The following RBP2 variants were observed in gnomAD, a reference collection of about 807,000 sequenced individuals.
The protein encoded by RBP2 is retinol binding protein 2.
In RBP2, 17 loss-of-function variants were observed where a neutral mutation model predicts 17.0. The ratio of observed to expected loss-of-function variants is 1.00; its 90% confidence interval spans 0.68 to 1.50. The LOEUF is 1.50. Among genes scored for constraint, RBP2 ranks in the 40% most tolerant of loss-of-function variants. The pLI is 0.00. For synonymous variants in RBP2, 48 were observed against 57.1 expected, an observed-to-expected ratio of 0.84 and a Z score of 0.72; for missense variants, 158 against 168.2, an observed-to-expected ratio of 0.94 and a Z score of 0.33.
intron 1 of RBP2, among the ~76,000 whole-genome samples, chr3:139,476,030 G>A (rs921240106): frequency 5.3e-5 from 8 of 152,122 alleles, no homozygotes; most frequent in Non-Finnish European, 1.2e-4. Flanking sequence ...AGGTCCAAGT[G>A]GTTATCAGAG....
At chr3:139,470,489 T>G (rs1933526726) in intron 1 of RBP2, among the ~76,000 whole-genome samples, 1 of 151,900 alleles carries the variant, frequency 6.6e-6, no homozygotes, top group South Asian at 2.1e-4. Context: ...TATGATTCAT[T>G]TTCCATGCTG....
At chr3:139,472,780 G>A (rs1448316906) in intron 1 of RBP2, among the ~76,000 whole-genome samples, 3 of 152,172 alleles carry the variant, frequency 2.0e-5, no homozygotes, top group African/African-American at 4.8e-5. Flanking sequence ...AAACCACTAC[G>A]TTTTGGGGGT....
At chr3:139,475,786 G>C (rs990991097) in intron 1 of RBP2, among the ~76,000 whole-genome samples, 6 of 152,296 alleles carry the variant, frequency 3.9e-5, no homozygotes, top group Admixed American at 6.5e-5. Context: ...CAGTTCCACA[G>C]GGAACCCACT....
intron 1 of RBP2, among the ~76,000 whole-genome samples, chr3:139,462,558 A>AACACACAC (rs59601422): frequency 0.096 from 11,647 of 121,248 alleles, 779 homozygotes; most frequent in African/African-American, 0.15. Context: ...GCAGCTCCCC[A>AACACACAC]ACACACACAC....
chr3:139,461,592 G>T (rs1401174239), intron 2 of RBP2, among the ~76,000 whole-genome samples: 2 of 151,782 alleles, frequency 1.3e-5, no homozygotes, highest in Admixed American at 6.6e-5. Flanking sequence ...GAAATCAGCT[G>T]GGATCATCTA....
rs115267221 is a variant in RBP2 at position 139,456,278 on chromosome 3, G to C, written c.253-1448C>G. ...CTGTGGTTTTTTCCCCAGTGTCCTT[G>C]TACATTTGGGCCTGTTTTTTTTGGT... On this transcript the variant is annotated intron_variant, in intron 2 of 3. Transcript: ENST00000232217. 3.3e-3 allele frequency among the ~76,000 whole-genome samples: 496 copies of C among 152,194 alleles called. 3 individuals are homozygous for C. Among genetic ancestry groups the C allele is most frequent in the African/African-American group, 0.012 (481 of 41,504 alleles).
intron 3 of RBP2, among the ~76,000 whole-genome samples, chr3:139,453,659 G>A (rs1367858157): frequency 6.6e-6 from 1 of 152,222 alleles, no homozygotes; most frequent in Non-Finnish European, 1.5e-5. Context: ...AGGCTTGCCT[G>A]TGCAGCCGAC....
At chr3:139,455,334 G>A (rs2107864994) in intron 2 of RBP2, among the ~76,000 whole-genome samples, 1 of 152,280 alleles carries the variant, frequency 6.6e-6, no homozygotes, top group East Asian at 1.9e-4. Flanking sequence ...GGGGGAGAGA[G>A]CCCTAGCAGA....
At chr3:139,454,871 T>A in intron 2 of RBP2, 41 bp from the exon 3 acceptor site, 1 of 1,579,200 alleles carries the variant, frequency 6.3e-7, no homozygotes, top group Non-Finnish European at 8.7e-7. Context: ...CACATGGTCT[T>A]GAGGGACTGA....
chr3:139,452,923 A>T lies in RBP2; in HGVS notation c.*193T>A. 1.7e-6 allele frequency: 1 copy of T among 600,312 alleles called. No individual in the cohort carries two copies. Among genetic ancestry groups the T allele is most frequent in the Non-Finnish European group, 2.9e-6 (1 of 341,972 alleles). The allele number at this position is 600,312 out of a possible 1,614,324, so 37.2% of individuals were successfully genotyped here. On this transcript the variant is annotated 3_prime_UTR_variant, in exon 4 of 4. Transcript: ENST00000232217. ...ATATGGGAGTAATTTTTGTTTTTCC[A>T]TTTAATGCTAGGTTTCAAAGGAGGG... is the stretch of plus-strand genomic sequence containing the variant.
At chr3:139,470,448 C>G (rs1023565561) in intron 1 of RBP2, among the ~76,000 whole-genome samples, 7 of 152,034 alleles carry the variant, frequency 4.6e-5, no homozygotes, top group African/African-American at 7.2e-5. Context: ...TAATGGGTCT[C>G]TCATCCTCTC....
At chr3:139,460,578 G>T (rs60990816) in intron 2 of RBP2, among the ~76,000 whole-genome samples, 6,020 of 152,252 alleles carry the variant, frequency 0.04, 367 homozygotes, top group African/African-American at 0.13. Context: ...CAGAGCTTGT[G>T]CCCATTGCTT....
In RBP2 at chr3:139,462,272, C is replaced by T. The variant is rs371817821; in HGVS notation, c.92G>A (p.Arg31His). 98 of 1,614,014 alleles carry T rather than the reference C, an allele frequency of 6.1e-5. No individual in the cohort carries two copies. The highest frequency in any genetic ancestry group is 6.0e-4 in the South Asian group (55 of 91,076). Residue 31 changes from arginine to histidine, a missense_variant, in exon 2 of 4, where the codon CGC becomes CAC. By Grantham distance (29) the Arg-to-His change is conservative (BLOSUM62 0). Coordinates refer to ENST00000232217, the MANE Select transcript of RBP2 (RefSeq NM_004164.3). ...MKALDIDFAT[R>H]KIAVRLTQTK... ...CTGAGTGAGACGTACTGCAATCTTG[C>T]GGGTGGCAAAATCAATATCTGTTGG... is the stretch of plus-strand genomic sequence containing the variant.
At chr3:139,474,479 C>T (rs6787649) in intron 1 of RBP2, among the ~76,000 whole-genome samples, 81,211 of 152,084 alleles carry the variant, frequency 0.53, 24,542 homozygotes, top group East Asian at 0.92. Context: ...CTTTTTGTTA[C>T]TGAAGCATAA....
intron 2 of RBP2, among the ~76,000 whole-genome samples, chr3:139,457,858 G>T (rs1933031717): frequency 6.6e-6 from 1 of 152,190 alleles, no homozygotes; most frequent in South Asian, 2.1e-4. Context: ...CTCCCACCAT[G>T]CTTTCCACTA....
chr3:139,474,619 C>T (rs1415564041), intron 1 of RBP2, among the ~76,000 whole-genome samples: 1 of 152,080 alleles, frequency 6.6e-6, no homozygotes, highest in Non-Finnish European at 1.5e-5. Flanking sequence ...ACCACAAGTA[C>T]ATCTAATATC....
chr3:139,472,885 G>T (rs1208140134), intron 1 of RBP2, among the ~76,000 whole-genome samples: 1 of 152,226 alleles, frequency 6.6e-6, no homozygotes, highest in African/African-American at 2.4e-5. Context: ...TTCTGCTTCA[G>T]ATGGCACAGT....
intron 2 of RBP2, among the ~76,000 whole-genome samples, chr3:139,458,789 T>C (rs1016443856): frequency 6.6e-6 from 1 of 152,228 alleles, no homozygotes; most frequent in Non-Finnish European, 1.5e-5. Flanking sequence ...TCCTTCATCC[T>C]TTTTCATGGC....
chr3:139,458,761 T>C (rs1438957174), intron 2 of RBP2, among the ~76,000 whole-genome samples: 1 of 152,230 alleles, frequency 6.6e-6, no homozygotes, highest in Non-Finnish European at 1.5e-5. Flanking sequence ...GGTGCATCCA[T>C]TTTGTAGCAT....
Sources: allele counts gnomAD v4.1 joint callset (sites outside exome capture counted in the v4.1 genomes callset), GRCh38; gene constraint gnomAD v4.1.1; transcripts MANE v1.5; gene names NCBI Gene and HGNC (gene_info 2026-07-23, HGNC 2026-07-21).